The following DPP10 variants were observed in gnomAD, a reference collection of about 807,000 sequenced individuals.
The protein encoded by DPP10 is dipeptidyl peptidase like 10.
Under a neutral mutation model 120.9 loss-of-function variants are expected in DPP10, and 33 were observed. The observed-to-expected ratio is 0.27, with a 90% CI of 0.21 to 0.37. The LOEUF (loss-of-function observed/expected upper bound fraction) is 0.37, where lower values mean the gene tolerates loss of function less well. Ranked by LOEUF, DPP10 falls within the 10% of genes least tolerant of loss-of-function variation. DPP10 has a pLI of 1.00. For missense variants in DPP10, 816 were observed against 942.8 expected, an observed-to-expected ratio of 0.87 and a Z score of 1.76; for synonymous variants, 337 against 326.1, an observed-to-expected ratio of 1.03 and a Z score of -0.36.
chr2:115,259,382 G>A lies in DPP10; in HGVS notation c.61-49857G>A, dbSNP rs188663598. 5.3e-5 allele frequency among the ~76,000 whole-genome samples: 8 copies of A among 152,006 alleles called. No individual in the cohort carries two copies. In the East Asian group the frequency reaches 1.6e-3, roughly 30 times the overall value. On this transcript the variant is annotated intron_variant, in intron 1 of 25. Transcript: ENST00000410059. Reference sequence around the variant, plus strand: ...GCCCGTAATCCCAGCTACTTGGGAGGCTGAGGCATGAGAATCACTTGAACC... The same window carrying A: ...GCCCGTAATCCCAGCTACTTGGGAGACTGAGGCATGAGAATCACTTGAACC...
At chr2:115,495,398 G>C (rs542369236) in intron 3 of DPP10, among the ~76,000 whole-genome samples, 97 of 99,298 alleles carry the variant, frequency 9.8e-4, no homozygotes, top group African/African-American at 3.3e-3. Flanking sequence ...TTTTCGTTCT[G>C]ATTTACAACG....
intron 1 of DPP10, among the ~76,000 whole-genome samples, chr2:115,209,505 CTCAT>C (rs2056370770): frequency 6.6e-6 from 1 of 152,150 alleles, no homozygotes; most frequent in Non-Finnish European, 1.5e-5. Flanking sequence ...CTGTAATAAT[CTCAT>C]TCAGTTACCT....
chr2:114,772,564 T>A (rs1211311059), intron 1 of DPP10, among the ~76,000 whole-genome samples: 1 of 152,172 alleles, frequency 6.6e-6, no homozygotes, highest in Non-Finnish European at 1.5e-5. Flanking sequence ...AATTATGTCA[T>A]CCTCATTTAC....
At chr2:114,574,761 C>G (rs1307734244) in intron 1 of DPP10, among the ~76,000 whole-genome samples, 1 of 152,160 alleles carries the variant, frequency 6.6e-6, no homozygotes, top group Non-Finnish European at 1.5e-5. Context: ...TGAGAGAATG[C>G]AACTCTTTTT....
At chr2:114,921,197 T>C (rs1282693213) in intron 1 of DPP10, among the ~76,000 whole-genome samples, 1 of 152,160 alleles carries the variant, frequency 6.6e-6, no homozygotes, top group Non-Finnish European at 1.5e-5. Context: ...TTCAGAAACA[T>C]AAATATGCAG....
chr2:115,836,683 G>A lies in DPP10; in HGVS notation c.2119G>A (p.Val707Met). 6.2e-7 allele frequency: 1 copy of A among 1,613,222 alleles called. No homozygotes were observed. The highest frequency in any genetic ancestry group is 2.2e-5 in the East Asian group (1 of 44,848). ...GTATTTTCCTTTATAGGCAGCCAGT[G>A]TGCTACATAATGTTCATGGCTTGAA... ...KEESTYQAASVLHNVHGLKEE... is the reference protein window; with the variant it reads ...KEESTYQAASMLHNVHGLKEE... Residue 707 changes from valine (V) to methionine (M), a missense_variant, in exon 24 of 26, where the codon GTG (valine) becomes ATG (methionine). Physicochemically the swap from Val to Met is conservative, Grantham distance 21. Transcript: ENST00000410059.
intron 1 of DPP10, among the ~76,000 whole-genome samples, chr2:114,931,445 C>G (rs1407994520): frequency 6.6e-6 from 1 of 152,152 alleles, no homozygotes; most frequent in African/African-American, 2.4e-5. Context: ...TTTCTAACAA[C>G]CAGTTCTCAT....
intron 1 of DPP10, among the ~76,000 whole-genome samples, chr2:114,755,379 A>C (rs1457729801): frequency 2.0e-5 from 3 of 152,164 alleles, no homozygotes; most frequent in Non-Finnish European, 4.4e-5. Flanking sequence ...CTGCAAACTC[A>C]TCCTCCTGGG....
intron 1 of DPP10, among the ~76,000 whole-genome samples, chr2:114,589,938 A>T (rs1301963211): frequency 6.6e-6 from 1 of 152,068 alleles, no homozygotes; most frequent in African/African-American, 2.4e-5. Context: ...TCTACTGGGG[A>T]TAAAATAGAT....
chr2:114,760,004 G>T (rs188193911), intron 1 of DPP10, among the ~76,000 whole-genome samples: 1 of 152,102 alleles, frequency 6.6e-6, no homozygotes, highest in Non-Finnish European at 1.5e-5. Context: ...TTCTTAAATC[G>T]TCAAGTCACC....
At chr2:114,730,591 GTTGT>G (rs61098044) in intron 1 of DPP10, among the ~76,000 whole-genome samples, 2,294 of 151,964 alleles carry the variant, frequency 0.015, 60 homozygotes, top group African/African-American at 0.053. Flanking sequence ...TGTTTGGTTC[GTTGT>G]TTGTTTGTTT....
At chr2:114,605,608 G>A (rs1692721659) in intron 1 of DPP10, among the ~76,000 whole-genome samples, 2 of 152,074 alleles carry the variant, frequency 1.3e-5, no homozygotes, top group East Asian at 1.9e-4. Flanking sequence ...TAAGTTTTTG[G>A]GGAGTCAAAA....
intron 3 of DPP10, among the ~76,000 whole-genome samples, chr2:115,409,171 A>G (rs948754900): frequency 2.6e-5 from 4 of 152,218 alleles, no homozygotes; most frequent in Non-Finnish European, 5.9e-5. Flanking sequence ...ATGTAGGACT[A>G]TAAACGGAAC....
intron 3 of DPP10, among the ~76,000 whole-genome samples, chr2:115,445,700 T>A (rs2072516781): frequency 6.6e-6 from 1 of 152,246 alleles, no homozygotes; most frequent in Admixed American, 6.5e-5. Context: ...TTTAGAAAAT[T>A]TGCAGCCTGA....
chr2:115,684,690 T>A (rs955172532), intron 5 of DPP10, among the ~76,000 whole-genome samples: 2 of 151,942 alleles, frequency 1.3e-5, no homozygotes, highest in Non-Finnish European at 2.9e-5. Context: ...CATAAATTAC[T>A]GGGATACACT....
intron 3 of DPP10, chr2:115,468,005 G>T: frequency 3.3e-6 from 1 of 306,086 alleles, no homozygotes; most frequent in Non-Finnish European, 6.4e-6. Flanking sequence ...ACCCAGAGAA[G>T]GGCCCAGATG....
chr2:115,376,546 T>A (rs940860079), intron 3 of DPP10, among the ~76,000 whole-genome samples: 1 of 151,466 alleles, frequency 6.6e-6, no homozygotes, highest in Non-Finnish European at 1.5e-5. Context: ...TTTTTTTAAA[T>A]TTTATTTATT....
intron 1 of DPP10, among the ~76,000 whole-genome samples, chr2:114,658,735 A>G (rs2105530502): frequency 6.6e-6 from 1 of 152,202 alleles, no homozygotes; most frequent in East Asian, 1.9e-4. Context: ...GTGTATCCCA[A>G]TTTTTTGCTA....
chr2:115,399,776 T>A (rs2067932640), intron 3 of DPP10, among the ~76,000 whole-genome samples: 1 of 152,224 alleles, frequency 6.6e-6, no homozygotes, highest in Admixed American at 6.5e-5. Flanking sequence ...CTGATGGTTC[T>A]CTTTACTGAA....
Sources: allele counts gnomAD v4.1 joint callset (sites outside exome capture counted in the v4.1 genomes callset), GRCh38; gene constraint gnomAD v4.1.1; transcripts MANE v1.5; gene names NCBI Gene and HGNC (gene_info 2026-07-23, HGNC 2026-07-21).